Variants in SERPINB12 observed in about 807,000 individuals in gnomAD.
The protein encoded by SERPINB12 is serpin B12.
Under a neutral mutation model 41.1 loss-of-function variants are expected in SERPINB12, and 57 were observed. The ratio of observed to expected loss-of-function variants is 1.39; its 90% CI spans 1.12 to 1.73. The LOEUF is 1.73. Among genes scored for constraint, SERPINB12 ranks in the 40% most tolerant of loss-of-function variants. The pLI is 0.00. For synonymous variants in SERPINB12, 180 were observed against 181.3 expected (o/e 0.99, Z 0.06); for missense variants, 536 against 501.9 (o/e 1.07, Z -0.65).
intron 4 of SERPINB12, 69 bp downstream of exon 4, chr18:63,559,787 G>T: frequency 6.6e-7 from 1 of 1,518,874 alleles, no homozygotes; most frequent in Non-Finnish European, 9.1e-7. Context: ...GGAGTAGCTG[G>T]GTTACTCACC....
At chr18:63,555,089 A>G (rs7228241) in intron 1 of SERPINB12, among the ~76,000 whole-genome samples, 2,237 of 152,270 alleles carry the variant, frequency 0.015, 59 homozygotes, top group African/African-American at 0.051. Context: ...TCTTTCCTTT[A>G]TAAATGACAC....
At chr18:63,532,790 A>C in the SERPINB12 span, among the ~76,000 whole-genome samples, 1 of 152,084 alleles carries the variant, frequency 6.6e-6, no homozygotes, top group African/African-American at 2.4e-5. Flanking sequence ...TGTTTGATGA[A>C]TCTAGTTGAA....
chr18:63,545,468 T>C (rs1289152331), intron 1 of SERPINB12, among the ~76,000 whole-genome samples: 1 of 152,218 alleles, frequency 6.6e-6, no homozygotes, highest in Non-Finnish European at 1.5e-5. Flanking sequence ...ACATTTAGTG[T>C]CAGATTTCAT....
At chr18:63,544,014 C>T (rs1754769243) in intron 1 of SERPINB12, among the ~76,000 whole-genome samples, 1 of 152,108 alleles carries the variant, frequency 6.6e-6, no homozygotes, top group African/African-American at 2.4e-5. Flanking sequence ...GATATAAAAA[C>T]TTCAAAGGTT....
intron 1 of SERPINB12, among the ~76,000 whole-genome samples, chr18:63,555,467 A>G (rs1426131612): frequency 6.6e-6 from 1 of 152,218 alleles, no homozygotes; most frequent in Non-Finnish European, 1.5e-5. Flanking sequence ...GAATACAGGG[A>G]GTTCCACCAC....
chr18:63,535,993 C>T, the SERPINB12 span, among the ~76,000 whole-genome samples: 1 of 151,662 alleles, frequency 6.6e-6, no homozygotes, highest in African/African-American at 2.4e-5. Context: ...TATTTTCTCT[C>T]TATGTAAAAT....
the SERPINB12 span, among the ~76,000 whole-genome samples, chr18:63,535,141 A>G: frequency 6.6e-6 from 1 of 152,180 alleles, no homozygotes; most frequent in Admixed American, 6.6e-5. Context: ...TAACTTTTAA[A>G]ACATTATGGT....
At chr18:63,520,850 T>C in the SERPINB12 span, among the ~76,000 whole-genome samples, 8 of 152,168 alleles carry the variant, frequency 5.3e-5, no homozygotes, top group African/African-American at 1.9e-4. Flanking sequence ...AAGTAACACA[T>C]AGAGAGGGAA....
At chr18:63,550,004 G>A (rs1419180506) in intron 1 of SERPINB12, among the ~76,000 whole-genome samples, 1 of 152,134 alleles carries the variant, frequency 6.6e-6, no homozygotes, top group African/African-American at 2.4e-5. Context: ...TAACTTACAG[G>A]ATTTTTTGAA....
the SERPINB12 span, among the ~76,000 whole-genome samples, chr18:63,531,858 C>G: frequency 1.3e-5 from 2 of 152,040 alleles, no homozygotes; most frequent in African/African-American, 2.4e-5. Flanking sequence ...AATTTTAATC[C>G]AAACTGTGGC....
intron 7 of SERPINB12, 62 bp downstream of exon 7, chr18:63,565,674 T>C: frequency 7.1e-7 from 1 of 1,412,536 alleles, no homozygotes; most frequent in Non-Finnish European, 9.6e-7. Flanking sequence ...AGAACAACAC[T>C]GTCTACTATC....
chr18:63,561,463 C>T lies in SERPINB12; in HGVS notation c.562+261C>T, dbSNP rs79478528. ...CACTATTGGTGGGAATGTAAATTAG[C>T]CATTGTGGAAAGTAGTTTGGAAATT... On this transcript the variant is annotated intron_variant, in intron 5 of 7. Coordinates refer to ENST00000382768, the MANE Select transcript of SERPINB12 (RefSeq NM_001307928.2). 0.028 allele frequency among the ~76,000 whole-genome samples: 4,337 copies of T among 152,242 alleles called. 288 individuals are homozygous for T. In the East Asian group the frequency reaches 0.29, roughly 10 times the overall value.
At chr18:63,545,794 A>G (rs571567963) in intron 1 of SERPINB12, among the ~76,000 whole-genome samples, 10 of 152,318 alleles carry the variant, frequency 6.6e-5, no homozygotes, top group African/African-American at 2.4e-4. Flanking sequence ...GACATAAAAT[A>G]TTAAATAATT....
the SERPINB12 span, among the ~76,000 whole-genome samples, chr18:63,522,908 C>T: frequency 6.6e-6 from 1 of 152,014 alleles, no homozygotes; most frequent in African/African-American, 2.4e-5. Flanking sequence ...AATTTTGAAT[C>T]ACTTTGGAAC....
At chr18:63,551,102 T>C (rs1568125892) in intron 1 of SERPINB12, among the ~76,000 whole-genome samples, 1 of 151,848 alleles carries the variant, frequency 6.6e-6, no homozygotes. Context: ...ACCCTGTCTC[T>C]ACTAAAAATA....
chr18:63,561,081 A>T lies in SERPINB12; in HGVS notation c.445-4A>T. 2 of 1,573,324 alleles carry T rather than the reference A, an allele frequency of 1.3e-6. 1 individual carries two copies. Among genetic ancestry groups the T allele is most frequent in the Middle Eastern group, 3.4e-4 (2 of 5,956 alleles). On this transcript the variant is annotated splice_region_variant and splice_polypyrimidine_tract_variant and intron_variant, in intron 4 of 7. Transcript: ENST00000382768. ...ATTATTTCCCTTTTATTCCAATGGA[A>T]CAGGAATACTTAGATGGTGTGATTC...
chr18:63,523,612 C>T, the SERPINB12 span, among the ~76,000 whole-genome samples: 1 of 152,104 alleles, frequency 6.6e-6, no homozygotes, highest in Non-Finnish European at 1.5e-5. Context: ...GTAAAGACAC[C>T]TGAAATTGCC....
intron 3 of SERPINB12, among the ~76,000 whole-genome samples, chr18:63,559,334 C>T (rs1251207200): frequency 6.6e-6 from 1 of 151,796 alleles, no homozygotes; most frequent in African/African-American, 2.4e-5. Flanking sequence ...GCTGAGTTCC[C>T]CAGATGTATT....
At chr18:63,519,794 G>A in the SERPINB12 span, among the ~76,000 whole-genome samples, 1 of 152,130 alleles carries the variant, frequency 6.6e-6, no homozygotes, top group Non-Finnish European at 1.5e-5. Context: ...TGAGAATTTT[G>A]TTAAAATGCA....
Sources: allele counts gnomAD v4.1 joint callset (sites outside exome capture counted in the v4.1 genomes callset), GRCh38; gene constraint gnomAD v4.1.1; transcripts MANE v1.5; gene names NCBI Gene and HGNC (gene_info 2026-07-23, HGNC 2026-07-21).